Variants in TRANK1 observed in about 807,000 individuals in gnomAD.
TRANK1 encodes the protein tetratricopeptide repeat and ankyrin repeat containing 1.
In TRANK1, 198 loss-of-function variants were observed where a neutral mutation model predicts 266.0. The ratio of observed to expected loss-of-function variants is 0.74; its 90% confidence interval spans 0.66 to 0.84. The LOEUF is 0.84. Ranked by LOEUF, TRANK1 falls within the 40% of genes least tolerant of loss-of-function variation. The pLI, the probability that TRANK1 is intolerant of heterozygous loss-of-function variation, is 0.00. For missense variants in TRANK1, 3,326 were observed against 3,634.6 expected (o/e 0.92, Z 2.18); for synonymous variants, 1,396 against 1,384.1 (o/e 1.01, Z -0.19).
chr3:36,907,202 G>A (rs1041090903), intron 2 of TRANK1, among the ~76,000 whole-genome samples: 1 of 152,196 alleles, frequency 6.6e-6, no homozygotes, highest in Admixed American at 6.5e-5. Context: ...CGAGGCCAGA[G>A]TTCAATGGCA....
At chr3:36,837,289 C>T (rs547133488) in intron 20 of TRANK1, among the ~76,000 whole-genome samples, 6 of 152,272 alleles carry the variant, frequency 3.9e-5, no homozygotes, top group African/African-American at 1.2e-4. Context: ...TCCCTTCTCC[C>T]ACATCTTAAG....
At chr3:36,830,336 G>A (rs561679690) in intron 22 of TRANK1, among the ~76,000 whole-genome samples, 42 of 150,788 alleles carry the variant, frequency 2.8e-4, no homozygotes, top group African/African-American at 8.8e-4. Flanking sequence ...AAAAAAAAAC[G>A]GGAAATCTGA....
intron 1 of TRANK1, among the ~76,000 whole-genome samples, chr3:36,939,249 C>G (rs1401366873): frequency 2.0e-5 from 3 of 146,422 alleles, no homozygotes; most frequent in Non-Finnish European, 1.5e-5. Context: ...GTTCAGATTC[C>G]CATTCTAACA....
chr3:36,850,896 T>G (rs1353090123), intron 15 of TRANK1: 4 of 985,354 alleles, frequency 4.1e-6, no homozygotes, highest in Non-Finnish European at 4.8e-6. Flanking sequence ...ATGCATCATG[T>G]GCAAAGGAAG....
chr3:36,858,670 TC>T, intron 12 of TRANK1, 47 bp downstream of exon 12: 1 of 1,444,780 alleles, frequency 6.9e-7, no homozygotes, highest in Non-Finnish European at 9.1e-7. Context: ...AGTTCTAATA[TC>T]CAGCTTCCTC....
At chr3:36,945,289 C>T (rs978895928), upstream of TRANK1, among the ~76,000 whole-genome samples, 4 of 152,116 alleles carry the variant, frequency 2.6e-5, no homozygotes, top group Non-Finnish European at 4.4e-5. Context: ...TTCGGCTTTC[C>T]TTAGTGGGGC....
At chr3:36,847,483 G>T in intron 15 of TRANK1, 137 bp from the exon 16 acceptor site, 1 of 872,934 alleles carries the variant, frequency 1.1e-6, no homozygotes, top group Non-Finnish European at 1.7e-6. Flanking sequence ...GATCCATCCT[G>T]TGATCTTAGA....
At chr3:36,878,616 G>A (rs2079424625) in intron 8 of TRANK1, among the ~76,000 whole-genome samples, 2 of 152,104 alleles carry the variant, frequency 1.3e-5, no homozygotes, top group Admixed American at 1.3e-4. Context: ...ACTTGAGGAT[G>A]GAGGGTGTAA....
chr3:36,936,337 T>A (rs1419634154), intron 1 of TRANK1, among the ~76,000 whole-genome samples: 3 of 151,974 alleles, frequency 2.0e-5, no homozygotes, highest in African/African-American at 7.3e-5. Context: ...AATTAAAAGT[T>A]AGCCAGGCAT....
At chr3:36,926,424 G>T (rs1349166818) in intron 1 of TRANK1, among the ~76,000 whole-genome samples, 1 of 152,088 alleles carries the variant, frequency 6.6e-6, no homozygotes, top group Non-Finnish European at 1.5e-5. Flanking sequence ...CAATACTCTG[G>T]ATTAGACTAT....
At position 36,833,388 on chromosome 3, in the gene TRANK1, T is replaced by G. The variant is rs2078724319; in HGVS notation, c.6195A>C (p.Ala2065=). 1.2e-6 allele frequency: 2 copies of G among 1,613,698 alleles called. No individual in the cohort carries two copies. The highest frequency in any genetic ancestry group is 4.5e-5 in the East Asian group (2 of 44,874). The part of the protein sequence containing the change: ...TLNHSAGVVE[A]LYEAASQCEA... ...CACACTGGCTGGCTGCTTCGTAGAG[T>G]GCTTCCACCACTCCAGCTGAGTGGT... is the stretch of plus-strand genomic sequence containing the variant. Residue 2065 remains alanine (A), a synonymous_variant, in exon 22 of 24, where the codon GCA becomes GCC. Transcript: ENST00000645898.
chr3:36,831,438 C>T lies in TRANK1; in HGVS notation c.8145G>A (p.Arg2715=), dbSNP rs1419687990. The T allele has an allele frequency of 6.2e-7, 1 of 1,613,112 alleles. No individual in the cohort carries two copies. Among genetic ancestry groups the T allele is most frequent in the East Asian group, 2.2e-5 (1 of 44,836 alleles). The stretch of plus-strand genomic sequence containing the variant: ...TCAACTTCCGCTGTATGGAGGCCTT[C>T]CGTTGCTTTTGGGAAAGAATGGTGG... ...VLATILSQKQ[R]KASIQRKLRR... Residue 2715 remains arginine, a synonymous_variant, in exon 22 of 24, where the codon CGG becomes CGA. Coordinates refer to ENST00000645898, the MANE Select transcript of TRANK1 (RefSeq NM_001329998.2). This position sits in a 1 kb window ranked among gnomAD's most constrained non-coding sequence, Gnocchi z 5.0.
rs1292547182 is a variant in TRANK1 at position 36,833,393 on chromosome 3, C to T, written c.6190G>A (p.Glu2064Lys). 4 of 1,613,762 alleles carry T rather than the reference C, an allele frequency of 2.5e-6. No homozygotes were observed. The highest frequency in any genetic ancestry group is 3.4e-6 in the Non-Finnish European group (4 of 1,179,826). Reference sequence around the variant, plus strand: ...TGGCTGGCTGCTTCGTAGAGTGCTTCCACCACTCCAGCTGAGTGGTTGAGC... The same window carrying T: ...TGGCTGGCTGCTTCGTAGAGTGCTTTCACCACTCCAGCTGAGTGGTTGAGC... ...DTLNHSAGVV[E>K]ALYEAASQCE... Residue 2064 changes from glutamate to lysine, a missense_variant, in exon 22 of 24, where the codon GAA (glutamate) becomes AAA (lysine). Glu to Lys is a moderately conservative substitution (Grantham distance 56). Transcript: ENST00000645898.
At chr3:36,917,248 A>T (rs1409891229) in intron 1 of TRANK1, among the ~76,000 whole-genome samples, 1 of 152,232 alleles carries the variant, frequency 6.6e-6, no homozygotes, top group Admixed American at 6.5e-5. Flanking sequence ...ATGCTCTATA[A>T]AGCACATAAA....
Position 36,855,656 on chromosome 3 carries a change from C to G in TRANK1, c.4066G>C (p.Gly1356Arg). The change falls in exon 13 of 24, where the codon GGT (glycine) becomes CGT (arginine). Residue 1356 changes from glycine (G) to arginine (R), a missense_variant. Gly to Arg is a moderately radical substitution (Grantham distance 125). Coordinates refer to ENST00000645898, the MANE Select transcript of TRANK1 (RefSeq NM_001329998.2). ...GGACAGCTGAGGGCCTCAAAAGAAC[C>G]CTTTAGAAAAGATTTTATTTCTTTC... ...IWKEIKSFLK[G>R]SFEALSCPHG... is the part of the protein sequence containing the mutation. The G allele has an allele frequency of 6.2e-7, 1 of 1,613,850 alleles. No individual in the cohort carries two copies. The highest frequency in any genetic ancestry group is 8.5e-7 in the Non-Finnish European group (1 of 1,179,850).
chr3:36,913,894 G>A (rs1320955053), intron 1 of TRANK1, among the ~76,000 whole-genome samples: 3 of 151,830 alleles, frequency 2.0e-5, no homozygotes, highest in Non-Finnish European at 4.4e-5. Flanking sequence ...CATTACCAGT[G>A]CAACTTATCC....
In TRANK1 at chr3:36,829,430, T is replaced by C. The variant is rs2078666445; in HGVS notation, c.8809+134A>G. The C allele has an allele frequency of 9.5e-6, 7 of 735,992 alleles. No homozygotes were observed. In the South Asian group the frequency reaches 1.1e-4, roughly 11 times the overall value. 45.6% of individuals were successfully genotyped at this position (735,992 alleles called of 1,614,324 possible). A position where few individuals can be genotyped will look rare whatever the true frequency, so the allele number is the denominator to read the frequency against. ...TGCTAGTAATTTGAGTCACTGGAGGTGATGCTCCTAGACAGTGAGAGTCCA... is the reference window on the plus strand; with the variant it reads ...TGCTAGTAATTTGAGTCACTGGAGGCGATGCTCCTAGACAGTGAGAGTCCA... On this transcript the variant is annotated intron_variant, in intron 23 of 23. Coordinates refer to ENST00000645898, the MANE Select transcript of TRANK1 (RefSeq NM_001329998.2).
At chr3:36,885,765 C>T (rs1245800564) in intron 8 of TRANK1, among the ~76,000 whole-genome samples, 2 of 151,098 alleles carry the variant, frequency 1.3e-5, no homozygotes, top group Non-Finnish European at 3.0e-5. Context: ...GTCTCGAACT[C>T]CTGGGTTCAA....
rs2079061908 is a variant in TRANK1 at position 36,856,812 on chromosome 3, C to T, written c.2910G>A (p.Leu970=). 6.2e-7 allele frequency: 1 copy of T among 1,613,886 alleles called. No homozygotes were observed. The highest frequency in any genetic ancestry group is 1.7e-5 in the Admixed American group (1 of 59,992). Residue 970 remains leucine, a synonymous_variant, in exon 13 of 24, where the codon CTG becomes CTA. Transcript: ENST00000645898. The stretch of plus-strand genomic sequence containing the variant: ...TATTGATACCTTTCAGCTTCTTCCG[C>T]AGGACACAGGACAAGCCCCGGTTGT... The part of the protein sequence containing the change: ...NAYNRGLSCV[L]RKKLKGINKG...
Sources: gnomAD v4.1 joint callset for allele counts (sites outside exome capture counted in the v4.1 genomes callset) on GRCh38, gnomAD v4.1.1 for gene constraint, Gnocchi (gnomAD v3.1) non-coding constraint, MANE v1.5 for transcripts, NCBI Gene and HGNC (gene_info 2026-07-23, HGNC 2026-07-21) for gene names.